CNTN6: variants seen among roughly 807,000 people sequenced by gnomAD.
The protein encoded by CNTN6 is contactin 6.
A neutral mutation model predicts 122.8 loss-of-function variants in CNTN6; 137 were observed. The ratio of observed to expected loss-of-function variants is 1.12; its 90% confidence interval spans 0.97 to 1.29. The LOEUF is 1.29. CNTN6 is among the 50% of genes most tolerant of loss of function. CNTN6 has a pLI of 0.00. For missense variants in CNTN6, 1,634 were observed against 1,223.4 expected (o/e 1.34, Z -5.01); for synonymous variants, 570 against 426.0 (o/e 1.34, Z -4.16).
At chr3:1,265,441 CCTT>C (rs2094912477) in intron 4 of CNTN6, among the ~76,000 whole-genome samples, 1 of 152,146 alleles carries the variant, frequency 6.6e-6, no homozygotes, top group South Asian at 2.1e-4. Context: ...AGTTTTCCCT[CCTT>C]CTCCATCCTG....
intron 20 of CNTN6, among the ~76,000 whole-genome samples, chr3:1,391,979 C>T (rs1220419053): frequency 6.6e-6 from 1 of 152,156 alleles, no homozygotes. Context: ...GGCCATACTG[C>T]CCAAGGTAAT....
intron 17 of CNTN6, among the ~76,000 whole-genome samples, chr3:1,377,864 T>C (rs1320643438): frequency 2.6e-5 from 4 of 152,160 alleles, no homozygotes; most frequent in Non-Finnish European, 5.9e-5. Context: ...CTCGTTTGAC[T>C]TTGGTGTGCT....
chr3:1,237,407 A>G (rs2094435378), intron 4 of CNTN6, among the ~76,000 whole-genome samples: 1 of 152,172 alleles, frequency 6.6e-6, no homozygotes, highest in Non-Finnish European at 1.5e-5. Context: ...ACTACATTAA[A>G]TACCCAAACC....
intron 1 of CNTN6, among the ~76,000 whole-genome samples, chr3:1,099,384 GAGCTTGC>G (rs914320655): frequency 9.9e-5 from 15 of 152,110 alleles, no homozygotes; most frequent in Non-Finnish European, 2.2e-4. Context: ...CCGGGGGGCG[GAGCTTGC>G]AGTGAGCCGA....
chr3:1,169,433 A>G (rs2093320701), intron 2 of CNTN6, among the ~76,000 whole-genome samples: 2 of 152,178 alleles, frequency 1.3e-5, no homozygotes, highest in Admixed American at 6.5e-5. Flanking sequence ...AATGCTTGTG[A>G]GATGATCCAG....
At chr3:1,348,857 C>A (rs565884507) in intron 11 of CNTN6, among the ~76,000 whole-genome samples, 1 of 151,790 alleles carries the variant, frequency 6.6e-6, no homozygotes, top group Admixed American at 6.6e-5. Context: ...CTTAAGCATT[C>A]GATGAGTTGA....
chr3:1,294,803 C>A (rs189198707), intron 5 of CNTN6, among the ~76,000 whole-genome samples: 1 of 152,172 alleles, frequency 6.6e-6, no homozygotes, highest in East Asian at 1.9e-4. Context: ...CTTCTCTGGG[C>A]TCCCTATAAT....
At chr3:1,197,913 A>C (rs987460210) in intron 2 of CNTN6, among the ~76,000 whole-genome samples, 1 of 152,160 alleles carries the variant, frequency 6.6e-6, no homozygotes, top group Admixed American at 6.5e-5. Flanking sequence ...CCCCTAACTC[A>C]TGCAAAGAAA....
Position 1,273,213 on chromosome 3 carries a change from C to T in CNTN6, c.359-5200C>T, listed in dbSNP as rs1018546311. 6.6e-5 allele frequency among the ~76,000 whole-genome samples: 10 copies of T among 152,260 alleles called. No individual in the cohort carries two copies. In the East Asian group the frequency reaches 9.7e-4, roughly 15 times the overall value. On this transcript the variant is annotated intron_variant, in intron 4 of 22. Coordinates refer to ENST00000446702, the MANE Select transcript of CNTN6 (RefSeq NM_001289080.2). The stretch of plus-strand genomic sequence containing the variant: ...AACCAGCACTGCAGGATTTGTATCC[C>T]GTGCACAAGGGCAGCCTGGGCAGGT...
chr3:1,278,668 AT>A (rs1237478914), intron 5 of CNTN6, among the ~76,000 whole-genome samples, 160 bp downstream of exon 5: 1 of 152,184 alleles, frequency 6.6e-6, no homozygotes, highest in Non-Finnish European at 1.5e-5. Flanking sequence ...ATATCTAAAC[AT>A]TTTCTTTTAA....
In CNTN6 at chr3:1,093,024, A is replaced by G. The variant is rs1329580948; in HGVS notation, c.-179A>G. On this transcript the variant is annotated 5_prime_UTR_variant, in exon 1 of 23. Coordinates refer to ENST00000446702, the MANE Select transcript of CNTN6 (RefSeq NM_001289080.2). The stretch of plus-strand genomic sequence containing the variant: ...TATCTCCCAGCTGCATAGACATTCC[A>G]TACGGCTTGGTTCTGCCTGGACGCA... 2.8e-6 allele frequency: 1 copy of G among 357,476 alleles called. No homozygotes were observed. The highest frequency in any genetic ancestry group is 7.5e-5 in the East Asian group (1 of 13,314). 22.1% of individuals were successfully genotyped at this position (357,476 alleles called of 1,614,324 possible).
Position 1,383,028 on chromosome 3 carries a change from G to A in CNTN6, c.2253G>A (p.Glu751=), listed in dbSNP as rs1273544699. ...TGGGCTCGACAACCTGGTCCAAGGA[G>A]AAAGTGTCATCTGTGGAATCATCAA... ...RPVGSTTWSK[E]KVSSVESSRF... is the part of the protein sequence containing the mutation. The change falls in exon 18 of 23, where the codon GAG becomes GAA. Residue 751 remains glutamate, a synonymous_variant. Transcript: ENST00000446702. 3 of 1,613,976 alleles carry A rather than the reference G, an allele frequency of 1.9e-6. No individual in the cohort carries two copies. The highest frequency in any genetic ancestry group is 1.3e-5 in the African/African-American group (1 of 74,928).
intron 1 of CNTN6, among the ~76,000 whole-genome samples, chr3:1,133,705 G>C (rs750476689): frequency 6.6e-6 from 1 of 152,140 alleles, no homozygotes; most frequent in Non-Finnish European, 1.5e-5. Flanking sequence ...TTGGATATGT[G>C]AGCTCAGGGC....
At chr3:1,170,952 G>A (rs1225080496) in intron 2 of CNTN6, among the ~76,000 whole-genome samples, 1 of 152,152 alleles carries the variant, frequency 6.6e-6, no homozygotes, top group Non-Finnish European at 1.5e-5. Flanking sequence ...TTGCAAGAAT[G>A]CAAAGTGCGT....
intron 1 of CNTN6, among the ~76,000 whole-genome samples, chr3:1,142,396 G>T (rs1559387726): frequency 6.6e-6 from 1 of 152,048 alleles, no homozygotes; most frequent in Non-Finnish European, 1.5e-5. Flanking sequence ...TCGTATAAAG[G>T]CAGGGCTCAC....
intron 4 of CNTN6, among the ~76,000 whole-genome samples, chr3:1,253,786 C>G (rs1313048936): frequency 2.0e-5 from 3 of 152,134 alleles, no homozygotes. Flanking sequence ...TGCCACTCAC[C>G]TCACCTCCTG....
chr3:1,273,194 CA>C (rs2095054162), intron 4 of CNTN6, among the ~76,000 whole-genome samples: 1 of 152,192 alleles, frequency 6.6e-6, no homozygotes, highest in African/African-American at 2.4e-5. Context: ...CAGCAACCAG[CA>C]CTGCAGGATT....
chr3:1,383,166 T>G lies in CNTN6; in HGVS notation c.2391T>G (p.Ser797=), dbSNP rs2291100. 577,470 of 1,611,420 alleles carry G rather than the reference T, an allele frequency of 0.36. 108,416 individuals carry two copies. Among genetic ancestry groups the G allele is most frequent in the Non-Finnish European group, 0.37 (437,260 of 1,177,730 alleles). Residue 797 remains serine, a synonymous_variant, in exon 18 of 23, where the codon TCT becomes TCG. Transcript: ENST00000446702. ...TGAGTACTGTGACCATTGTCTACTC[T>G]GGGGAAGATGGTAAGTTGTCCTCAA... ...GSLSTVTIVY[S]GEDEPQLAPR... is the part of the protein sequence containing the mutation.
intron 1 of CNTN6, among the ~76,000 whole-genome samples, chr3:1,118,864 A>C (rs1873179): frequency 0.85 from 128,704 of 151,460 alleles, 55,517 homozygotes; most frequent in East Asian, 0.99. Flanking sequence ...TCTTAAAAAA[A>C]AAAAAAACAA....
Sources: gnomAD v4.1 joint callset for allele counts (sites outside exome capture counted in the v4.1 genomes callset) on GRCh38, gnomAD v4.1.1 for gene constraint, MANE v1.5 for transcripts, NCBI Gene and HGNC (gene_info 2026-07-23, HGNC 2026-07-21) for gene names.